LOC102723971: variants seen among roughly 807,000 people sequenced by gnomAD.
At chr9:135,614,642 C>T in the LOC102723971 span, among the ~76,000 whole-genome samples, 1 of 152,272 alleles carries the variant, frequency 6.6e-6, no homozygotes, top group East Asian at 1.9e-4. Flanking sequence ...GGCTGCAGGG[C>T]GGCAGCCGGA....
the LOC102723971 span, among the ~76,000 whole-genome samples, chr9:135,614,960 G>A: frequency 4.9e-4 from 74 of 152,308 alleles, no homozygotes; most frequent in African/African-American, 1.6e-3. Flanking sequence ...TGGGGAAGGG[G>A]ACTGGACAGA....
chr9:135,618,780 G>T, the LOC102723971 span, among the ~76,000 whole-genome samples: 1 of 152,076 alleles, frequency 6.6e-6, no homozygotes, highest in Non-Finnish European at 1.5e-5. Flanking sequence ...CAGGGCCCTG[G>T]CAGGACACAG....
At chr9:135,618,700 G>A in the LOC102723971 span, among the ~76,000 whole-genome samples, 2 of 151,708 alleles carry the variant, frequency 1.3e-5, no homozygotes, top group African/African-American at 4.8e-5. Flanking sequence ...GCAGGGATGA[G>A]ATCCAAGGCT....
the LOC102723971 span, chr9:135,615,221 C>T: frequency 5.1e-6 from 2 of 394,840 alleles, no homozygotes; most frequent in Non-Finnish European, 8.9e-6. Flanking sequence ...TCCCGGCCCA[C>T]GCCCCTGCAG....
At chr9:135,617,781 T>C in the LOC102723971 span, among the ~76,000 whole-genome samples, 1 of 151,456 alleles carries the variant, frequency 6.6e-6, no homozygotes, top group South Asian at 2.1e-4. Context: ...GCAGAGGGGG[T>C]GCTGCCGTGG....
the LOC102723971 span, chr9:135,614,257 C>A: frequency 2.5e-6 from 1 of 398,668 alleles, no homozygotes; most frequent in Non-Finnish European, 4.4e-6. Context: ...TGGAGAAAGG[C>A]CCGCTCCTGC....
the LOC102723971 span, chr9:135,615,216 G>GC: frequency 2.5e-6 from 1 of 394,806 alleles, no homozygotes; most frequent in Non-Finnish European, 4.4e-6. Flanking sequence ...TCCTGTCCCG[G>GC]CCCACGCCCC....
At chr9:135,614,989 G>C in the LOC102723971 span, among the ~76,000 whole-genome samples, 1 of 152,190 alleles carries the variant, frequency 6.6e-6, no homozygotes, top group Non-Finnish European at 1.5e-5. Flanking sequence ...ACAAGGGGAC[G>C]GGAGGTGACT....
At chr9:135,616,614 C>T in the LOC102723971 span, 2 of 398,590 alleles carry the variant, frequency 5.0e-6, 1 homozygote, top group South Asian at 2.5e-4. Context: ...AAGAAACAAA[C>T]ATCACCGTCC....
chr9:135,615,938 G>T, the LOC102723971 span, among the ~76,000 whole-genome samples: 3 of 152,336 alleles, frequency 2.0e-5, no homozygotes, highest in African/African-American at 7.2e-5. Flanking sequence ...GACAAGCTAC[G>T]CTGAGCGCAG....
At chr9:135,616,333 G>A in the LOC102723971 span, among the ~76,000 whole-genome samples, 98 of 152,268 alleles carry the variant, frequency 6.4e-4, 1 homozygote, top group East Asian at 0.017. Flanking sequence ...ACTCCACTTC[G>A]TCACTCCAGT....
chr9:135,616,250 G>A, the LOC102723971 span, among the ~76,000 whole-genome samples: 2 of 152,288 alleles, frequency 1.3e-5, no homozygotes, highest in East Asian at 3.9e-4. Context: ...CCCAAAACCT[G>A]GAGCTCAGAG....
chr9:135,618,215 T>C, the LOC102723971 span, among the ~76,000 whole-genome samples: 1 of 152,178 alleles, frequency 6.6e-6, no homozygotes, highest in East Asian at 1.9e-4. Flanking sequence ...CAGCCCCACA[T>C]GACACAGTGA....
the LOC102723971 span, among the ~76,000 whole-genome samples, chr9:135,618,542 G>A: frequency 6.6e-6 from 1 of 152,104 alleles, no homozygotes; most frequent in Non-Finnish European, 1.5e-5. Flanking sequence ...CTATGGGGGT[G>A]GGAGTGGGGG....
At chr9:135,617,136 G>A in the LOC102723971 span, 1 of 395,480 alleles carries the variant, frequency 2.5e-6, no homozygotes. Flanking sequence ...CTGGGAGGGG[G>A]CCTTCTGTGC....
the LOC102723971 span, chr9:135,615,476 G>C: frequency 3.5e-5 from 14 of 398,598 alleles, 1 homozygote; most frequent in Admixed American, 1.3e-4. Flanking sequence ...CGGCGGGGAC[G>C]TGGACTTCGT....
the LOC102723971 span, chr9:135,614,427 G>C: frequency 2.5e-6 from 1 of 392,598 alleles, no homozygotes; most frequent in East Asian, 3.6e-5. Context: ...GGTGCAGGGG[G>C]TGGGGCAGAC....
chr9:135,614,445 T>C, the LOC102723971 span: 1 of 315,412 alleles, frequency 3.2e-6, no homozygotes, highest in Non-Finnish European at 5.6e-6. Context: ...GACAGGGGGG[T>C]GCCGGGGTTC....
the LOC102723971 span, among the ~76,000 whole-genome samples, chr9:135,617,751 C>A: frequency 6.6e-6 from 1 of 152,140 alleles, no homozygotes; most frequent in Non-Finnish European, 1.5e-5. Context: ...GCAATCAGAG[C>A]TGGCCGGGCC....
Sources: allele counts gnomAD v4.1 joint callset (sites outside exome capture counted in the v4.1 genomes callset), GRCh38; gene constraint gnomAD v4.1.1; transcripts MANE v1.5.